CLDN18: variants seen among roughly 807,000 people sequenced by gnomAD.
CLDN18 encodes the protein claudin 18, also known as claudin-18.
Under a neutral mutation model 25.0 loss-of-function variants are expected in CLDN18, and 20 were observed. The ratio of observed to expected loss-of-function variants is 0.80; its 90% CI spans 0.56 to 1.16. CLDN18 has a LOEUF of 1.16. CLDN18 is among the 50% of genes most tolerant of loss of function. CLDN18 has a pLI of 0.00. For synonymous variants in CLDN18, 125 were observed against 135.6 expected, an observed-to-expected ratio of 0.92 and a Z score of 0.54; for missense variants, 297 against 345.4, an observed-to-expected ratio of 0.86 and a Z score of 1.11.
chr3:138,004,661 A>G (rs1046862458), intron 1 of CLDN18: 5 of 152,072 alleles, frequency 3.3e-5, no homozygotes, highest in African/African-American at 1.2e-4. Context: ...AAGAAAAAGG[A>G]AGTTTATTTA....
intron 4 of CLDN18, among the ~76,000 whole-genome samples, chr3:138,030,720 A>T (rs953863593): frequency 6.6e-6 from 1 of 152,202 alleles, no homozygotes; most frequent in Non-Finnish European, 1.5e-5. Context: ...CAATTATTTT[A>T]TTCTCAGGAG....
chr3:138,018,116 A>G (rs1445109891), intron 1 of CLDN18, among the ~76,000 whole-genome samples: 4 of 152,140 alleles, frequency 2.6e-5, no homozygotes. Flanking sequence ...GATGTCTTAG[A>G]TGGTTCCTGC....
intron 1 of CLDN18, among the ~76,000 whole-genome samples, chr3:138,011,093 A>T (rs1942132843): frequency 6.6e-6 from 1 of 152,190 alleles, no homozygotes; most frequent in South Asian, 2.1e-4. Context: ...ACCCCTAAAG[A>T]TGAAATAAAT....
intron 3 of CLDN18, among the ~76,000 whole-genome samples, chr3:138,027,972 C>T (rs1030257411): frequency 1.3e-5 from 2 of 152,172 alleles, no homozygotes; most frequent in South Asian, 2.1e-4. Context: ...TAAATGTTCT[C>T]CCAGAACTTT....
upstream of CLDN18, chr3:138,010,018 T>C (rs1942113154): frequency 1.2e-6 from 1 of 823,588 alleles, no homozygotes; most frequent in East Asian, 2.8e-5. Context: ...AAGTGCCTCT[T>C]GGGCCCGCTT....
chr3:138,001,138 G>A (rs1359238605), intron 1 of CLDN18, among the ~76,000 whole-genome samples: 1 of 152,228 alleles, frequency 6.6e-6, no homozygotes, highest in Non-Finnish European at 1.5e-5. Flanking sequence ...ACTTGCCCAA[G>A]GACACTTGCA....
intron 1 of CLDN18, among the ~76,000 whole-genome samples, chr3:138,014,308 C>G (rs544627409): frequency 8.5e-5 from 13 of 152,080 alleles, no homozygotes; most frequent in Non-Finnish European, 1.8e-4. Flanking sequence ...AGCTGGAGGA[C>G]AGCAAATGTG....
chr3:138,026,867 C>G (rs527520008), intron 3 of CLDN18, among the ~76,000 whole-genome samples: 2 of 152,258 alleles, frequency 1.3e-5, no homozygotes, highest in South Asian at 2.1e-4. Flanking sequence ...GTGAATTATA[C>G]GCCAGAGTTG....
chr3:138,029,357 G>C (rs185273576), intron 3 of CLDN18, among the ~76,000 whole-genome samples: 18 of 152,208 alleles, frequency 1.2e-4, no homozygotes, highest in African/African-American at 4.3e-4. Context: ...TGTTGGCCAG[G>C]CTGCTCTTGA....
intron 1 of CLDN18, among the ~76,000 whole-genome samples, chr3:138,017,855 G>A (rs1942224966): frequency 6.6e-6 from 1 of 152,230 alleles, no homozygotes; most frequent in South Asian, 2.1e-4. Context: ...ACCACAGGGA[G>A]CTGAGAATGG....
At chr3:138,010,063 G>A (rs1942113679), upstream of CLDN18, 3 of 1,188,880 alleles carry the variant, frequency 2.5e-6, no homozygotes, top group Non-Finnish European at 3.4e-6. Context: ...CCTTGAACCA[G>A]GAGCGAAACT....
chr3:138,016,986 G>A (rs1360602798), intron 1 of CLDN18, among the ~76,000 whole-genome samples: 1 of 151,756 alleles, frequency 6.6e-6, no homozygotes. Context: ...AACCCAGGAG[G>A]CAGAGGTTGC....
At chr3:138,001,632 A>G (rs1942017068) in intron 1 of CLDN18, among the ~76,000 whole-genome samples, 2 of 152,166 alleles carry the variant, frequency 1.3e-5, no homozygotes, top group Non-Finnish European at 2.9e-5. Flanking sequence ...TCTACCTGTT[A>G]TGCCTTCTCT....
At chr3:138,007,869 C>T (rs1475298326), upstream of CLDN18, among the ~76,000 whole-genome samples, 2 of 152,120 alleles carry the variant, frequency 1.3e-5, no homozygotes, top group East Asian at 1.9e-4. Flanking sequence ...TGTTCCCTTC[C>T]CTCCTTTTAG....
chr3:138,001,331 C>A (rs1035259575), intron 1 of CLDN18, among the ~76,000 whole-genome samples: 1 of 152,026 alleles, frequency 6.6e-6, no homozygotes, highest in Admixed American at 6.5e-5. Context: ...ACAGAATTCT[C>A]CTTGAATGGG....
At chr3:138,008,863 T>G (rs1942097779), upstream of CLDN18, among the ~76,000 whole-genome samples, 2 of 152,130 alleles carry the variant, frequency 1.3e-5, no homozygotes, top group Admixed American at 1.3e-4. Context: ...GAGGCAGAAT[T>G]TGCAGTGACC....
chr3:138,016,291 G>C (rs529645355), intron 1 of CLDN18, among the ~76,000 whole-genome samples: 3 of 152,168 alleles, frequency 2.0e-5, no homozygotes, highest in Non-Finnish European at 4.4e-5. Context: ...CCCAGACCCT[G>C]TTTCTAAAGG....
upstream of CLDN18, chr3:138,010,156 G>A (rs895013344): frequency 7.1e-6 from 11 of 1,559,758 alleles, no homozygotes; most frequent in Admixed American, 7.4e-5. Context: ...TCAGGAGCGC[G>A]TTAGCTTCAC....
chr3:138,017,403 C>A (rs60883619), intron 1 of CLDN18, among the ~76,000 whole-genome samples: 3,247 of 152,218 alleles, frequency 0.021, 114 homozygotes, highest in African/African-American at 0.065. Context: ...ACAACAGCCA[C>A]TGGAGAGTTA....
Sources: allele counts gnomAD v4.1 joint callset (sites outside exome capture counted in the v4.1 genomes callset), GRCh38; gene constraint gnomAD v4.1.1; transcripts MANE v1.5; gene names NCBI Gene and HGNC (gene_info 2026-07-23, HGNC 2026-07-21).